TTR: variants seen among roughly 807,000 people sequenced by gnomAD.
The protein encoded by TTR is transthyretin.
A neutral mutation model predicts 13.7 loss-of-function variants in TTR; 8 were observed. The ratio of observed to expected loss-of-function variants is 0.58; its 90% CI spans 0.34 to 1.05. The LOEUF is 1.05. Ranked by LOEUF, TTR falls within the 50% of genes least tolerant of loss-of-function variation. The pLI, the probability that TTR is intolerant of heterozygous loss-of-function variation, is 0.02. For missense variants in TTR, 135 were observed against 185.5 expected (o/e 0.73, Z 1.58); for synonymous variants, 75 against 71.7 (o/e 1.05, Z -0.23).
intron 1 of TTR, among the ~76,000 whole-genome samples, chr18:31,592,215 C>A (rs1253127524): frequency 6.6e-6 from 1 of 152,086 alleles, no homozygotes; most frequent in Non-Finnish European, 1.5e-5. Flanking sequence ...ATATCTGGTA[C>A]CTCTGTTTCC....
chr18:31,591,902 G>A lies in TTR; in HGVS notation c.-1G>A. 1 of 1,614,142 alleles carries A rather than the reference G, an allele frequency of 6.2e-7. No individual in the cohort carries two copies. The highest frequency in any genetic ancestry group is 8.5e-7 in the Non-Finnish European group (1 of 1,180,024). On this transcript the variant is annotated 5_prime_UTR_variant, in exon 1 of 4. Coordinates refer to ENST00000237014, the MANE Select transcript of TTR (RefSeq NM_000371.4). ...ACAGAAGTCCACTCATTCTTGGCAG[G>A]ATGGCTTCTCATCGTCTGCTCCTCC... is the stretch of plus-strand genomic sequence containing the variant.
rs770412921 is a variant in TTR at position 31,598,722 on chromosome 18, T to C, written c.*47T>C. ...CTGAAGGACGAGGGATGGGATTTCATGTAACCAAGAGTATTCCATTTTTAC... is the reference window on the plus strand; with the variant it reads ...CTGAAGGACGAGGGATGGGATTTCACGTAACCAAGAGTATTCCATTTTTAC... On this transcript the variant is annotated 3_prime_UTR_variant, in exon 4 of 4. Transcript: ENST00000237014. 12 of 1,589,562 alleles carry C rather than the reference T, an allele frequency of 7.5e-6. No homozygotes were observed. The highest frequency in any genetic ancestry group is 3.3e-5 in the Admixed American group (2 of 59,930).
At chr18:31,595,350 G>A in intron 3 of TTR, 95 bp downstream of exon 3, 1 of 1,549,056 alleles carries the variant, frequency 6.5e-7, no homozygotes, top group South Asian at 1.1e-5. Context: ...CCACAGAAAT[G>A]TCCTAAGGAA....
At chr18:31,592,363 C>A (rs1004052615) in intron 1 of TTR, among the ~76,000 whole-genome samples, 1 of 152,172 alleles carries the variant, frequency 6.6e-6, no homozygotes, top group Admixed American at 6.5e-5. Flanking sequence ...TTATTCAAAA[C>A]GTATTTATTG....
chr18:31,592,850 CT>C (rs748822810), intron 1 of TTR, 45 bp from the exon 2 acceptor site: 16 of 1,611,022 alleles, frequency 9.9e-6, no homozygotes, highest in Non-Finnish European at 1.4e-5. Flanking sequence ...AATCCTTTCA[CT>C]CTGATCAATT....
chr18:31,592,344 G>C (rs571403203), intron 1 of TTR, among the ~76,000 whole-genome samples: 1 of 152,140 alleles, frequency 6.6e-6, no homozygotes, highest in Non-Finnish European at 1.5e-5. Context: ...TTATATTCTG[G>C]CCCTATAGTT....
intron 3 of TTR, chr18:31,597,992 T>C (rs534559702): frequency 1.4e-4 from 26 of 191,234 alleles, no homozygotes; most frequent in African/African-American, 6.1e-4. Context: ...TATACTTTTC[T>C]TCTTCATGTT....
intron 3 of TTR, 94 bp downstream of exon 3, chr18:31,595,349 T>C: frequency 1.3e-6 from 2 of 1,549,962 alleles, no homozygotes; most frequent in Non-Finnish European, 1.8e-6. Context: ...ACCACAGAAA[T>C]GTCCTAAGGA....
Position 31,598,792 on chromosome 18 carries a change from A to G in TTR, c.*117A>G. The G allele has an allele frequency of 9.3e-7, 1 of 1,080,070 alleles. No individual in the cohort carries two copies. Among genetic ancestry groups the G allele is most frequent in the Non-Finnish European group, 1.4e-6 (1 of 725,606 alleles). The allele number at this position is 1,080,070 out of a possible 1,614,324, so 66.9% of individuals were successfully genotyped here. On this transcript the variant is annotated 3_prime_UTR_variant, in exon 4 of 4. Transcript: ENST00000237014. ...CATATGCTATGTTAGAAGTCCAGGC[A>G]GAGACAATAAAACATTCCTGTGAAA...
intron 3 of TTR, chr18:31,595,682 T>C: frequency 2.8e-6 from 1 of 360,986 alleles, no homozygotes; most frequent in Non-Finnish European, 5.4e-6. Context: ...CAAGTGATTC[T>C]TGGCAACACA....
intron 1 of TTR, 100 bp downstream of exon 1, chr18:31,592,071 G>A: frequency 8.5e-7 from 1 of 1,175,496 alleles, no homozygotes; most frequent in South Asian, 1.2e-5. Context: ...TTATTACTAG[G>A]GCAAGGGTAC....
At chr18:31,598,194 A>G in intron 3 of TTR, 1 of 351,888 alleles carries the variant, frequency 2.8e-6, no homozygotes, top group Non-Finnish European at 5.6e-6. Flanking sequence ...GTTGGCAGCC[A>G]CTATTGCAGC....
At chr18:31,595,552 T>C (rs2073512864) in intron 3 of TTR, 2 of 490,758 alleles carry the variant, frequency 4.1e-6, no homozygotes, top group African/African-American at 3.9e-5. Flanking sequence ...AATAATAGTT[T>C]ATGAGGCAGC....
intron 3 of TTR, chr18:31,597,404 G>T (rs2073522506): frequency 6.6e-6 from 1 of 152,114 alleles, no homozygotes; most frequent in Non-Finnish European, 1.5e-5. Flanking sequence ...AATCAAGTGG[G>T]CTGAAGGTCA....
chr18:31,595,379 G>T (rs752112049), intron 3 of TTR, 124 bp downstream of exon 3: 5 of 1,365,302 alleles, frequency 3.7e-6, no homozygotes, highest in East Asian at 2.4e-5. Context: ...ATGACCAAAG[G>T]TTCCCTTTCC....
chr18:31,595,591 A>C, intron 3 of TTR: 1 of 398,578 alleles, frequency 2.5e-6, no homozygotes, highest in South Asian at 2.0e-5. Context: ...AGTGTATGTA[A>C]CAAGAGATGC....
intron 3 of TTR, among the ~76,000 whole-genome samples, chr18:31,597,762 T>C (rs1475550597): frequency 6.6e-6 from 1 of 152,226 alleles, no homozygotes; most frequent in Non-Finnish European, 1.5e-5. Context: ...ACCAAGGCTG[T>C]CCCAGCACCT....
intron 3 of TTR, among the ~76,000 whole-genome samples, chr18:31,596,692 T>A (rs1183174981): frequency 1.3e-5 from 2 of 151,354 alleles, no homozygotes. Context: ...AAAAAAGCAT[T>A]CTATGTGTGG....
intron 2 of TTR, 97 bp downstream of exon 2, chr18:31,593,123 T>C: frequency 2.5e-6 from 4 of 1,575,760 alleles, no homozygotes; most frequent in Non-Finnish European, 3.5e-6. Context: ...CTAAAGAATT[T>C]ACAAGTAGAT....
Sources: allele counts gnomAD v4.1 joint callset (sites outside exome capture counted in the v4.1 genomes callset), GRCh38; gene constraint gnomAD v4.1.1; transcripts MANE v1.5; gene names NCBI Gene and HGNC (gene_info 2026-07-23, HGNC 2026-07-21).